Variants in HADHB observed in about 807,000 individuals in gnomAD.
The protein encoded by HADHB is trifunctional enzyme subunit beta, mitochondrial.
In HADHB, 50 loss-of-function variants were observed where a neutral mutation model predicts 61.9. That is an observed-to-expected ratio of 0.81 (90% confidence interval 0.64 to 1.02). HADHB has a LOEUF of 1.02. HADHB is among the 50% of genes least tolerant of loss of function. HADHB has a pLI of 0.00. For missense variants in HADHB, 504 were observed against 586.5 expected, an observed-to-expected ratio of 0.86 and a Z score of 1.45; for synonymous variants, 191 against 201.6, an observed-to-expected ratio of 0.95 and a Z score of 0.45.
chr2:26,265,572 G>A (rs1341437908), intron 4 of HADHB, among the ~76,000 whole-genome samples: 1 of 151,682 alleles, frequency 6.6e-6, no homozygotes, highest in Admixed American at 6.6e-5. Flanking sequence ...CTCCAGCCTG[G>A]GTGACAGAGC....
At chr2:26,258,401 G>A (rs1303726076) in intron 3 of HADHB, among the ~76,000 whole-genome samples, 1 of 152,220 alleles carries the variant, frequency 6.6e-6, no homozygotes, top group Non-Finnish European at 1.5e-5. Flanking sequence ...GAAGAGAATC[G>A]TGGAACCCAG....
intron 6 of HADHB, 122 bp from the exon 7 acceptor site, chr2:26,276,951 T>A: frequency 1.5e-6 from 1 of 685,956 alleles, no homozygotes; most frequent in South Asian, 1.6e-5. Context: ...ATTTTAAATA[T>A]TGCTCTGGAG....
intron 3 of HADHB, 54 bp from the exon 4 acceptor site, chr2:26,263,326 T>TCA: frequency 9.8e-7 from 1 of 1,016,214 alleles, no homozygotes; most frequent in East Asian, 2.6e-5. Flanking sequence ...GTAAAAGTCA[T>TCA]CAGACTTTAT....
chr2:26,283,215 G>T (rs1672871086), intron 12 of HADHB, among the ~76,000 whole-genome samples, 164 bp downstream of exon 12: 3 of 152,136 alleles, frequency 2.0e-5, no homozygotes, highest in South Asian at 2.1e-4. Context: ...TTATGTGGTG[G>T]TTTTTTTAAA....
intron 7 of HADHB, among the ~76,000 whole-genome samples, chr2:26,278,322 T>C (rs986563573): frequency 2.0e-5 from 3 of 152,272 alleles, no homozygotes; most frequent in African/African-American, 7.2e-5. Flanking sequence ...CATATAAATA[T>C]GCAAGATGTT....
intron 1 of HADHB, among the ~76,000 whole-genome samples, chr2:26,249,144 A>G (rs1489647842): frequency 6.6e-6 from 1 of 152,168 alleles, no homozygotes; most frequent in African/African-American, 2.4e-5. Context: ...TCTTCTGTGA[A>G]TGGCTTGTTT....
At chr2:26,254,389 A>G in intron 2 of HADHB, 41 bp from the exon 3 acceptor site, 1 of 1,511,770 alleles carries the variant, frequency 6.6e-7, no homozygotes. Flanking sequence ...ACAGATACTG[A>G]ATGGTATTGC....
chr2:26,253,857 A>AAAAAAAATAAAT lies in HADHB; in HGVS notation c.-8-387_-8-386insAAAATAAATAAA, dbSNP rs1553318178. On this transcript the variant is annotated intron_variant, in intron 1 of 15. Transcript: ENST00000317799. ...AACAAGAGCAAAACTCCATCTCAAA[A>AAAAAAAATAAAT]AAATAAATAAATAAATAAATAAATA... 1.0e-4 allele frequency among the ~76,000 whole-genome samples: 13 copies of AAAAAAAATAAAT among 125,582 alleles called. No homozygotes were observed. In the South Asian group the frequency reaches 1.6e-3, roughly 15 times the overall value. 82.4% of individuals were successfully genotyped at this position (125,582 alleles called of 152,430 possible).
intron 10 of HADHB, 124 bp downstream of exon 10, chr2:26,280,239 T>C (rs1188609176): frequency 1.2e-6 from 1 of 844,320 alleles, no homozygotes; most frequent in African/African-American, 1.7e-5. Flanking sequence ...TTATTCATTT[T>C]AATGTGAAAG....
At chr2:26,249,995 T>G (rs1004956371) in intron 1 of HADHB, among the ~76,000 whole-genome samples, 2 of 151,992 alleles carry the variant, frequency 1.3e-5, no homozygotes, top group African/African-American at 4.8e-5. Context: ...TGATAGATTG[T>G]TTCTGTTTTT....
chr2:26,249,918 C>T (rs888131448), intron 1 of HADHB, among the ~76,000 whole-genome samples: 8 of 152,078 alleles, frequency 5.3e-5, no homozygotes, highest in Admixed American at 2.0e-4. Context: ...GATTCAATCC[C>T]ATGTAAGCCA....
chr2:26,275,398 T>C (rs1227379517), intron 6 of HADHB, among the ~76,000 whole-genome samples: 1 of 152,226 alleles, frequency 6.6e-6, no homozygotes, highest in Non-Finnish European at 1.5e-5. Flanking sequence ...CTTAAAGACA[T>C]CTTCCTCCTT....
At chr2:26,260,843 C>T (rs1671832045) in intron 3 of HADHB, 2 of 602,238 alleles carry the variant, frequency 3.3e-6, no homozygotes, top group South Asian at 4.0e-5. Flanking sequence ...ATTCTTCATT[C>T]TGGCTGGCTT....
intron 4 of HADHB, among the ~76,000 whole-genome samples, chr2:26,266,171 C>T (rs1242848838): frequency 2.6e-5 from 4 of 151,410 alleles, no homozygotes; most frequent in Non-Finnish European, 5.9e-5. Flanking sequence ...GAGGCTGGGG[C>T]GGGAGGATTG....
At chr2:26,270,878 C>CTTT (rs1272001120) in intron 5 of HADHB, among the ~76,000 whole-genome samples, 10 of 128,166 alleles carry the variant, frequency 7.8e-5, no homozygotes, top group African/African-American at 1.1e-4. Context: ...TCTTCTGTAG[C>CTTT]TTTTTTTTTT....
At chr2:26,261,625 A>G (rs1671869407) in intron 3 of HADHB, 4 of 152,596 alleles carry the variant, frequency 2.6e-5, no homozygotes. Context: ...AAATATAAAA[A>G]CTAGCCAGGT....
intron 5 of HADHB, among the ~76,000 whole-genome samples, chr2:26,272,106 A>G (rs990351225): frequency 6.6e-6 from 1 of 151,808 alleles, no homozygotes; most frequent in Non-Finnish European, 1.5e-5. Flanking sequence ...ACAGATTTTT[A>G]TTTATTTATT....
intron 15 of HADHB, among the ~76,000 whole-genome samples, chr2:26,289,234 C>T (rs572746303): frequency 6.6e-6 from 1 of 151,892 alleles, no homozygotes; most frequent in African/African-American, 2.4e-5. Flanking sequence ...TGGGCAACGG[C>T]GAGGCACGGT....
intron 4 of HADHB, among the ~76,000 whole-genome samples, chr2:26,264,700 A>G (rs540365951): frequency 6.6e-6 from 1 of 151,858 alleles, no homozygotes; most frequent in African/African-American, 2.4e-5. Context: ...CTACAAATAT[A>G]TTTTCTTACA....
Sources: gnomAD v4.1 joint callset for allele counts (sites outside exome capture counted in the v4.1 genomes callset) on GRCh38, gnomAD v4.1.1 for gene constraint, MANE v1.5 for transcripts, NCBI Gene and HGNC (gene_info 2026-07-23, HGNC 2026-07-21) for gene names.